NSMAF: variants seen among roughly 807,000 people sequenced by gnomAD.
NSMAF encodes neutral sphingomyelinase activation associated factor.
In NSMAF, 90 loss-of-function variants were observed where a neutral mutation model predicts 134.9. The observed-to-expected ratio is 0.67, with a 90% confidence interval of 0.56 to 0.79. NSMAF has a LOEUF of 0.79. Among genes scored for constraint, NSMAF ranks in the 30% least tolerant of loss-of-function variants. The pLI is 0.00. For synonymous variants in NSMAF, 358 were observed against 389.6 expected (o/e 0.92, Z 0.96); for missense variants, 1,010 against 1,119.0 (o/e 0.90, Z 1.39).
chr8:58,657,878 A>G (rs975161535), intron 1 of NSMAF, among the ~76,000 whole-genome samples: 37 of 152,356 alleles, frequency 2.4e-4, no homozygotes, highest in African/African-American at 8.2e-4. Flanking sequence ...CTGCCAGCCT[A>G]TCACGTTGTT....
intron 10 of NSMAF, among the ~76,000 whole-genome samples, chr8:58,608,820 T>TACA (rs535828683): frequency 6.6e-6 from 1 of 152,302 alleles, no homozygotes; most frequent in Middle Eastern, 3.4e-3. Context: ...TGCCCTGTAA[T>TACA]GACCAGCCTG....
Position 58,584,179 on chromosome 8 carries a change from A to G in NSMAF, c.2681T>C (p.Met894Thr). The change falls in exon 31 of 31, where the codon ATG becomes ACG. Residue 894 changes from methionine to threonine, a missense_variant. Met to Thr is a moderately conservative substitution (Grantham distance 81). Transcript: ENST00000038176. ...GATGATACTGCTACACTGTTCATTC[A>G]TCCATATACATGTCACAGCACCTGA... ...GHTGAVTCIW[M>T]NEQCSSIITG... 1 of 1,613,600 alleles carries G rather than the reference A, an allele frequency of 6.2e-7. No homozygotes were observed. The highest frequency in any genetic ancestry group is 1.1e-5 in the South Asian group (1 of 91,042).
rs910223769 is a variant in NSMAF at position 58,659,773 on chromosome 8, C to T, written c.-142G>A. The T allele has an allele frequency of 3.8e-6, 2 of 530,782 alleles. No homozygotes were observed. Among genetic ancestry groups the T allele is most frequent in the African/African-American group, 2.0e-5 (1 of 49,996 alleles). The allele number at this position is 530,782 out of a possible 1,614,324, so 32.9% of individuals were successfully genotyped here. On this transcript the variant is annotated 5_prime_UTR_variant, in exon 1 of 31. Coordinates refer to ENST00000038176, the MANE Select transcript of NSMAF (RefSeq NM_003580.4). ...GCCGGCCTGGCTTCCCCTGCGGCGCCGCTGGGCGGCCGAGAGCCCGACGCG... is the reference window on the plus strand; with the variant it reads ...GCCGGCCTGGCTTCCCCTGCGGCGCTGCTGGGCGGCCGAGAGCCCGACGCG...
At chr8:58,607,639 CAG>C (rs1806437066) in intron 11 of NSMAF, 128 bp downstream of exon 11, 1 of 687,220 alleles carries the variant, frequency 1.5e-6, no homozygotes, top group Non-Finnish European at 2.6e-6. Flanking sequence ...ACAGCAAAAT[CAG>C]AGTCTATTTT....
intron 6 of NSMAF, among the ~76,000 whole-genome samples, chr8:58,630,172 C>A (rs1050666337): frequency 6.6e-6 from 1 of 152,112 alleles, no homozygotes; most frequent in Non-Finnish European, 1.5e-5. Flanking sequence ...TCATGCTCAC[C>A]GGGGGTGCAG....
At chr8:58,591,929 C>T (rs1806030583) in intron 23 of NSMAF, among the ~76,000 whole-genome samples, 1 of 152,176 alleles carries the variant, frequency 6.6e-6, no homozygotes, top group Admixed American at 6.5e-5. Context: ...ATTTCTTCTG[C>T]ACAGTATAAC....
chr8:58,595,439 T>G, intron 22 of NSMAF, 121 bp downstream of exon 22: 1 of 666,234 alleles, frequency 1.5e-6, no homozygotes, highest in Admixed American at 2.7e-5. Context: ...TTTTTAAAAA[T>G]AAAGACAACA....
chr8:58,604,286 C>G (rs1317175002), intron 12 of NSMAF, among the ~76,000 whole-genome samples: 1 of 152,044 alleles, frequency 6.6e-6, no homozygotes, highest in Non-Finnish European at 1.5e-5. Context: ...TGAGAACTGA[C>G]AGTTTCTTAG....
At chr8:58,659,552 C>G (rs1218971842) in intron 1 of NSMAF, 21 bp downstream of exon 1, 1 of 1,525,720 alleles carries the variant, frequency 6.6e-7, no homozygotes, top group Non-Finnish European at 8.8e-7. Flanking sequence ...CGGCTGGGCC[C>G]TTCTTCAGCT....
At chr8:58,623,515 G>T in intron 7 of NSMAF, 91 bp from the exon 8 acceptor site, 1 of 1,336,172 alleles carries the variant, frequency 7.5e-7, no homozygotes, top group Non-Finnish European at 1.1e-6. Context: ...CAATCATTCT[G>T]TTAACAGTCA....
At chr8:58,635,791 G>A (rs906125108) in intron 2 of NSMAF, among the ~76,000 whole-genome samples, 1 of 152,172 alleles carries the variant, frequency 6.6e-6, no homozygotes, top group Non-Finnish European at 1.5e-5. Flanking sequence ...GTTTATATGT[G>A]TATCTCCATA....
chr8:58,608,479 G>A (rs1046078995), intron 10 of NSMAF, among the ~76,000 whole-genome samples: 1 of 152,200 alleles, frequency 6.6e-6, no homozygotes, highest in African/African-American at 2.4e-5. Flanking sequence ...GAGGGAAGAT[G>A]GGTGTGCAGA....
intron 23 of NSMAF, among the ~76,000 whole-genome samples, chr8:58,591,315 C>T (rs1005269645): frequency 6.6e-6 from 1 of 151,954 alleles, no homozygotes. Flanking sequence ...ACAAAAAGAT[C>T]TTGGCAATAT....
intron 21 of NSMAF, chr8:58,595,978 T>C (rs1477235266): frequency 4.8e-6 from 1 of 209,106 alleles, no homozygotes; most frequent in African/African-American, 2.3e-5. Flanking sequence ...GTCAACATTG[T>C]TTCAAAAACC....
At chr8:58,616,736 G>A (rs1806662829) in intron 9 of NSMAF, among the ~76,000 whole-genome samples, 1 of 152,050 alleles carries the variant, frequency 6.6e-6, no homozygotes. Flanking sequence ...ATAAAACTGT[G>A]CAATGAGGCA....
chr8:58,586,084 T>C, intron 28 of NSMAF, 84 bp from the exon 29 acceptor site: 4 of 1,032,896 alleles, frequency 3.9e-6, no homozygotes, highest in Non-Finnish European at 6.0e-6. Flanking sequence ...CTGAGTCCAG[T>C]GGCCTAATCT....
At position 58,602,122 on chromosome 8, in the gene NSMAF, C is replaced by T. The variant is rs1324484057; in HGVS notation, c.1061G>A (p.Gly354Glu). 1.2e-6 allele frequency: 2 copies of T among 1,613,048 alleles called. No homozygotes were observed. Among genetic ancestry groups the T allele is most frequent in the Non-Finnish European group, 1.7e-6 (2 of 1,179,334 alleles). The change falls in exon 14 of 31, where the codon GGA becomes GAA. Residue 354 changes from glycine (G) to glutamate (E), a missense_variant. By Grantham distance (98) the Gly-to-Glu change is moderately conservative. Coordinates refer to ENST00000038176, the MANE Select transcript of NSMAF (RefSeq NM_003580.4). ...TGGCTTACTGAGATCCCGGAAGGTT[C>T]CTGGATTTGACAAATCTATAAACAT... ...SSSELDLSNP[G>E]TFRDLSKPVG...
Position 58,642,979 on chromosome 8 carries a change from C to T in NSMAF, c.149+5G>A. 2.5e-6 allele frequency: 4 copies of T among 1,607,638 alleles called. No individual in the cohort carries two copies. Among genetic ancestry groups the T allele is most frequent in the Non-Finnish European group, 3.4e-6 (4 of 1,174,152 alleles). On this transcript the variant is annotated splice_donor_5th_base_variant and intron_variant, in intron 2 of 30. Coordinates refer to ENST00000038176, the MANE Select transcript of NSMAF (RefSeq NM_003580.4). ...TTGTCCAAGGAGATACCGAAGCTTC[C>T]TTACCTTTCATGGTGACTGCCCTTG...
In NSMAF at chr8:58,628,900, TG is replaced by T. The variant is rs545601562; in HGVS notation, c.384+2595del. Among the ~76,000 whole-genome samples, 4 of 152,360 alleles carry T rather than the reference TG, an allele frequency of 2.6e-5. No homozygotes were observed. In the South Asian group the frequency reaches 8.3e-4, roughly 32 times the overall value. Reference sequence around the variant, plus strand: ...CCAATTTTCTGACCTGCAAGCTTTCTGGTGAAAAATCTGATCATTTTGTGGG... The same window carrying T: ...CCAATTTTCTGACCTGCAAGCTTTCTGTGAAAAATCTGATCATTTTGTGGG... On this transcript the variant is annotated intron_variant, in intron 6 of 30. Coordinates refer to ENST00000038176, the MANE Select transcript of NSMAF (RefSeq NM_003580.4).
Sources: allele counts gnomAD v4.1 joint callset (sites outside exome capture counted in the v4.1 genomes callset), GRCh38; gene constraint gnomAD v4.1.1; transcripts MANE v1.5; gene names NCBI Gene and HGNC (gene_info 2026-07-23, HGNC 2026-07-21).